The following SNTG2 variants were observed in gnomAD, a reference collection of about 807,000 sequenced individuals.
The protein encoded by SNTG2 is syntrophin gamma 2.
SNTG2 carries 74 observed loss-of-function variants against 70.9 expected under a neutral mutation model. The observed-to-expected ratio is 1.04, with a 90% confidence interval of 0.86 to 1.27. The LOEUF is 1.27. Among genes scored for constraint, SNTG2 ranks in the 50% most tolerant of loss-of-function variants. The pLI, the probability that SNTG2 is intolerant of heterozygous loss-of-function variation, is 0.00. For missense variants in SNTG2, 717 were observed against 690.7 expected (o/e 1.04, Z -0.43); for synonymous variants, 278 against 273.8 (o/e 1.02, Z -0.15).
chr2:1,307,518 C>T (rs577568677), intron 14 of SNTG2, among the ~76,000 whole-genome samples: 1 of 151,588 alleles, frequency 6.6e-6, no homozygotes, highest in African/African-American at 2.4e-5. Flanking sequence ...ATCAAGCACC[C>T]ATTTCCCACA....
At chr2:1,211,027 A>G (rs1372422500) in intron 9 of SNTG2, among the ~76,000 whole-genome samples, 2 of 152,256 alleles carry the variant, frequency 1.3e-5, no homozygotes, top group Non-Finnish European at 2.9e-5. Context: ...GTAGATATAT[A>G]GATGATTTAT....
chr2:1,139,538 A>G (rs1167386882), intron 6 of SNTG2, among the ~76,000 whole-genome samples: 1 of 152,164 alleles, frequency 6.6e-6, no homozygotes, highest in Non-Finnish European at 1.5e-5. Context: ...ACTCGGCCAC[A>G]ACAAATTTTT....
At chr2:965,136 ATCCTCCTCCTGGTCCCCAG>A (rs1289903982) in intron 1 of SNTG2, among the ~76,000 whole-genome samples, 1 of 140,052 alleles carries the variant, frequency 7.1e-6, no homozygotes. Flanking sequence ...TTGGACCCCA[ATCCTCCTCCTGGTCCCCAG>A]TCCTCCTCCT....
chr2:970,303 A>G (rs1483923122), intron 1 of SNTG2, among the ~76,000 whole-genome samples: 3 of 151,956 alleles, frequency 2.0e-5, no homozygotes, highest in Non-Finnish European at 2.9e-5. Flanking sequence ...GTTGTAGGGT[A>G]CATGTGCACA....
intron 1 of SNTG2, among the ~76,000 whole-genome samples, chr2:1,042,406 C>T (rs1049509747): frequency 2.0e-5 from 3 of 151,976 alleles, no homozygotes; most frequent in South Asian, 2.1e-4. Flanking sequence ...CGGGGGTACA[C>T]GTGCAGGTAT....
intron 1 of SNTG2, among the ~76,000 whole-genome samples, chr2:1,051,984 A>T (rs1662104491): frequency 6.6e-6 from 1 of 152,214 alleles, no homozygotes; most frequent in Admixed American, 6.5e-5. Context: ...TTTTTATTGT[A>T]GTTGCTTTAA....
chr2:1,083,833 A>C (rs1442767462), intron 2 of SNTG2, among the ~76,000 whole-genome samples, 178 bp downstream of exon 2: 1 of 152,078 alleles, frequency 6.6e-6, no homozygotes, highest in Non-Finnish European at 1.5e-5. Context: ...TGTATTATTT[A>C]CTCTCTCCCT....
intron 1 of SNTG2, among the ~76,000 whole-genome samples, chr2:1,026,450 A>C (rs1301821763): frequency 1.3e-5 from 2 of 152,230 alleles, no homozygotes; most frequent in African/African-American, 4.8e-5. Flanking sequence ...GCCCTCTGAC[A>C]ATAGTTTTAG....
chr2:1,285,903 G>A lies in SNTG2; in HGVS notation c.1284+18332G>A, dbSNP rs372812228. ...CCATTGACCTTAATCATAGGGCATGGTAATACCAAGAAATGCCTGAATGGA... is the reference window on the plus strand; with the variant it reads ...CCATTGACCTTAATCATAGGGCATGATAATACCAAGAAATGCCTGAATGGA... On this transcript the variant is annotated intron_variant, in intron 14 of 16. Transcript: ENST00000308624. 2.1e-4 allele frequency among the ~76,000 whole-genome samples: 32 copies of A among 152,286 alleles called. No individual in the cohort carries two copies. The East Asian group carries it at 4.1e-3, about 19-fold the overall frequency.
intron 1 of SNTG2, among the ~76,000 whole-genome samples, chr2:1,065,304 A>T (rs1358996129): frequency 6.6e-6 from 1 of 152,106 alleles, no homozygotes; most frequent in Non-Finnish European, 1.5e-5. Flanking sequence ...CCTCTGTTCT[A>T]GGTGGGTGAC....
chr2:1,067,818 C>T (rs34787379), intron 1 of SNTG2, among the ~76,000 whole-genome samples: 26,867 of 152,174 alleles, frequency 0.18, 2,450 homozygotes, highest in South Asian at 0.22. Flanking sequence ...TGACCCCCAC[C>T]CGTAAATCAT....
intron 6 of SNTG2, among the ~76,000 whole-genome samples, chr2:1,138,116 C>G (rs1488293223): frequency 6.6e-6 from 1 of 152,188 alleles, no homozygotes; most frequent in East Asian, 1.9e-4. Context: ...ACCCGGGATT[C>G]CTGAAGTGTT....
At chr2:1,035,031 A>C (rs1163775184) in intron 1 of SNTG2, among the ~76,000 whole-genome samples, 1 of 152,246 alleles carries the variant, frequency 6.6e-6, no homozygotes, top group Non-Finnish European at 1.5e-5. Context: ...ACCACAGTGC[A>C]ATAAAAATGG....
intron 6 of SNTG2, among the ~76,000 whole-genome samples, chr2:1,162,521 A>G (rs913964541): frequency 3.9e-5 from 6 of 152,110 alleles, no homozygotes; most frequent in Non-Finnish European, 8.8e-5. Context: ...AGGGTATTAC[A>G]GTGGCTGTCA....
chr2:1,188,810 A>T (rs1254417486), intron 8 of SNTG2, among the ~76,000 whole-genome samples: 1 of 152,186 alleles, frequency 6.6e-6, no homozygotes, highest in Non-Finnish European at 1.5e-5. Flanking sequence ...CTGTAATATT[A>T]ACAAAGTTGA....
intron 14 of SNTG2, among the ~76,000 whole-genome samples, chr2:1,281,114 A>G (rs1384537014): frequency 3.3e-5 from 5 of 151,766 alleles, no homozygotes; most frequent in Admixed American, 6.6e-5. Flanking sequence ...CTGGGAATTC[A>G]TGAGTGGATA....
At chr2:1,216,291 T>C (rs1289571984) in intron 9 of SNTG2, among the ~76,000 whole-genome samples, 5 of 152,228 alleles carry the variant, frequency 3.3e-5, no homozygotes, top group Admixed American at 6.5e-5. Flanking sequence ...TGATTTGCAT[T>C]TCTCTGATGG....
chr2:1,259,460 T>A lies in SNTG2; in HGVS notation c.1077+19T>A. On this transcript the variant is annotated intron_variant, in intron 13 of 16. Transcript: ENST00000308624. ...TCACAAGGTAGGTATCTTTTGCACT[T>A]CAGATGCTTTCATACAAATAAGATG... 1.3e-6 allele frequency: 2 copies of A among 1,595,866 alleles called. No individual in the cohort carries two copies. The highest frequency in any genetic ancestry group is 2.2e-5 in the South Asian group (2 of 90,534).
intron 16 of SNTG2, among the ~76,000 whole-genome samples, chr2:1,319,736 A>G (rs1380984900): frequency 6.6e-6 from 1 of 152,176 alleles, no homozygotes; most frequent in East Asian, 1.9e-4. Flanking sequence ...AACTGCAAAC[A>G]CTTAGTGCAT....
Sources: allele counts gnomAD v4.1 joint callset (sites outside exome capture counted in the v4.1 genomes callset), GRCh38; gene constraint gnomAD v4.1.1; transcripts MANE v1.5; gene names NCBI Gene and HGNC (gene_info 2026-07-23, HGNC 2026-07-21).